MCMDC2: variants seen among roughly 807,000 people sequenced by gnomAD.
The protein encoded by MCMDC2 is minichromosome maintenance domain-containing protein 2.
A neutral mutation model predicts 75.8 loss-of-function variants in MCMDC2; 54 were observed. The ratio of observed to expected loss-of-function variants is 0.71; its 90% CI spans 0.57 to 0.89. The LOEUF is 0.89. Ranked by LOEUF, MCMDC2 falls within the 40% of genes least tolerant of loss-of-function variation. The probability of loss-of-function intolerance (pLI) is 0.00; values close to 1 mark genes in which losing one functional copy is unlikely to be tolerated. For synonymous variants in MCMDC2, 249 were observed against 274.6 expected (o/e 0.91, Z 0.92); for missense variants, 656 against 780.4 (o/e 0.84, Z 1.90).
intron 1 of MCMDC2, among the ~76,000 whole-genome samples, chr8:66,871,871 A>C (rs1228010720): frequency 6.6e-6 from 1 of 151,806 alleles, no homozygotes; most frequent in Non-Finnish European, 1.5e-5. Flanking sequence ...CTGCAACTCC[A>C]ACCTGGGCAA....
At chr8:66,889,346 A>G (rs1811988960) in intron 9 of MCMDC2, among the ~76,000 whole-genome samples, 1 of 152,224 alleles carries the variant, frequency 6.6e-6, no homozygotes, top group Non-Finnish European at 1.5e-5. Context: ...AGCAAATGCC[A>G]TGAGACAGGC....
chr8:66,924,169 T>G (rs1813649924), downstream of MCMDC2, among the ~76,000 whole-genome samples: 1 of 152,096 alleles, frequency 6.6e-6, no homozygotes, highest in Admixed American at 6.6e-5. Context: ...GAAAACAGAA[T>G]TCAAGCTACT....
intron 5 of MCMDC2, among the ~76,000 whole-genome samples, chr8:66,878,314 A>G (rs1353519460): frequency 6.6e-6 from 1 of 152,206 alleles, no homozygotes; most frequent in African/African-American, 2.4e-5. Context: ...AAGCATCCAT[A>G]TTGCCAGTGC....
chr8:66,915,495 TTA>T (rs201181798), intron 14 of MCMDC2, among the ~76,000 whole-genome samples: 14,858 of 146,764 alleles, frequency 0.1, 1,257 homozygotes, highest in African/African-American at 0.23. Context: ...ATTTATATAT[TTA>T]TATATGTTTT....
At chr8:66,905,159 C>T in intron 13 of MCMDC2, 67 bp from the exon 14 acceptor site, 2 of 1,229,998 alleles carry the variant, frequency 1.6e-6, no homozygotes, top group Non-Finnish European at 2.1e-6. Flanking sequence ...TCGATTTGTT[C>T]CTGCCAAAAT....
At chr8:66,888,575 T>C (rs1040731488) in intron 9 of MCMDC2, among the ~76,000 whole-genome samples, 6 of 152,242 alleles carry the variant, frequency 3.9e-5, no homozygotes, top group Non-Finnish European at 7.3e-5. Flanking sequence ...ATAAAGGTCA[T>C]GCAAATATTT....
intron 10 of MCMDC2, among the ~76,000 whole-genome samples, chr8:66,893,750 T>G (rs1812220531): frequency 6.6e-6 from 1 of 152,090 alleles, no homozygotes; most frequent in South Asian, 2.1e-4. Context: ...CATTTTATGG[T>G]CAGTTGATTT....
downstream of MCMDC2, among the ~76,000 whole-genome samples, chr8:66,923,376 G>A (rs1345625839): frequency 1.3e-5 from 2 of 152,110 alleles, no homozygotes; most frequent in Admixed American, 6.6e-5. Context: ...ATTGAGCCAG[G>A]CAGCAATACG....
intron 12 of MCMDC2, among the ~76,000 whole-genome samples, 155 bp from the exon 13 acceptor site, chr8:66,901,049 AAG>A (rs1313750191): frequency 6.6e-6 from 1 of 152,236 alleles, no homozygotes; most frequent in Admixed American, 6.5e-5. Context: ...CTGTGATTTA[AAG>A]TGTTCAGTGA....
At chr8:66,891,217 C>T in intron 10 of MCMDC2, 147 bp downstream of exon 10, 1 of 741,562 alleles carries the variant, frequency 1.3e-6, no homozygotes. Flanking sequence ...GTTTTATAAG[C>T]TAAACAGAAA....
intron 13 of MCMDC2, among the ~76,000 whole-genome samples, chr8:66,902,709 AAAATATATATAT>A (rs1812737637): frequency 2.8e-5 from 3 of 106,190 alleles, no homozygotes; most frequent in South Asian, 5.8e-4. Context: ...AAAAAAAAAA[AAAATATATATAT>A]ATATATATAT....
intron 9 of MCMDC2, among the ~76,000 whole-genome samples, chr8:66,885,168 C>T (rs1475962677): frequency 6.6e-6 from 1 of 151,776 alleles, no homozygotes; most frequent in East Asian, 1.9e-4. Context: ...CCCGTCTCTA[C>T]TAAAAATACA....
Position 66,914,076 on chromosome 8 carries a change from G to A in MCMDC2, c.1880-4927G>A, listed in dbSNP as rs181526740. On this transcript the variant is annotated intron_variant, in intron 14 of 14. Transcript: ENST00000422365. ...GAGAATCACTTGAGCCCAGGAGTTC[G>A]AGACCAGCTTGGGCAACATGGTGAG... Among the ~76,000 whole-genome samples the A allele has an allele frequency of 4.2e-3, 628 of 151,172 alleles. 7 individuals carry two copies. The highest frequency in any genetic ancestry group is 0.014 in the African/African-American group (591 of 41,228).
chr8:66,923,478 T>C (rs1813623960), downstream of MCMDC2, among the ~76,000 whole-genome samples: 1 of 152,116 alleles, frequency 6.6e-6, no homozygotes, highest in Non-Finnish European at 1.5e-5. Flanking sequence ...CAATCAGTAT[T>C]AGGAATATAA....
intron 10 of MCMDC2, among the ~76,000 whole-genome samples, chr8:66,892,600 A>C (rs1273257832): frequency 6.6e-6 from 1 of 152,148 alleles, no homozygotes; most frequent in Non-Finnish European, 1.5e-5. Context: ...TGGGCTAAGA[A>C]TGGAGGAAGT....
At chr8:66,905,608 T>C (rs1159116832) in intron 14 of MCMDC2, among the ~76,000 whole-genome samples, 2 of 152,160 alleles carry the variant, frequency 1.3e-5, no homozygotes, top group East Asian at 3.9e-4. Flanking sequence ...AAGTACTTAC[T>C]ACAACACATA....
chr8:66,888,799 A>G (rs1033796245), intron 9 of MCMDC2, among the ~76,000 whole-genome samples: 1 of 152,204 alleles, frequency 6.6e-6, no homozygotes, highest in African/African-American at 2.4e-5. Context: ...TCATTGTTCC[A>G]TATCACTAAG....
rs970242141 is a variant in MCMDC2, at chr8:66,890,982, T to C, written c.1191T>C (p.Ala397=). 1.2e-6 allele frequency: 2 copies of C among 1,609,444 alleles called. No individual in the cohort carries two copies. The highest frequency in any genetic ancestry group is 1.7e-6 in the Non-Finnish European group (2 of 1,179,060). Residue 397 remains alanine, a synonymous_variant, in exon 10 of 15, where the codon GCT becomes GCC. Coordinates refer to ENST00000422365, the MANE Select transcript of MCMDC2 (RefSeq NM_173518.5). ...KYGTGAVSIQ[A]GSALLAKGGI... ...GAACTGGAGCAGTTAGCATTCAGGC[T>C]GGCAGTGCTTTGCTAGCTAAAGGTG...
rs1391307920 is a variant in MCMDC2 at position 66,901,607 on chromosome 8, C to T, written c.1769+259C>T. The T allele has an allele frequency of 4.4e-6, 5 of 1,135,422 alleles. No individual in the cohort carries two copies. The African/African-American group carries it at 8.1e-5, about 18-fold the overall frequency. 70.3% of individuals were successfully genotyped at this position (1,135,422 alleles called of 1,614,324 possible). A position where few individuals can be genotyped will look rare whatever the true frequency, so the allele number is the denominator to read the frequency against. On this transcript the variant is annotated intron_variant, in intron 13 of 14. Coordinates refer to ENST00000422365, the MANE Select transcript of MCMDC2 (RefSeq NM_173518.5). ...ATGAGATATGTCTGGGAAAAGTGCA[C>T]TGATTTCAAATGCAAATCCTTGTTT...
Sources: gnomAD v4.1 joint callset for allele counts (sites outside exome capture counted in the v4.1 genomes callset) on GRCh38, gnomAD v4.1.1 for gene constraint, MANE v1.5 for transcripts, NCBI Gene and HGNC (gene_info 2026-07-23, HGNC 2026-07-21) for gene names.